Variants in CNTNAP2 observed in about 807,000 individuals in gnomAD.
The protein encoded by CNTNAP2 is contactin associated protein 2.
In CNTNAP2, 98 loss-of-function variants were observed where a neutral mutation model predicts 155.2. That is an observed-to-expected ratio of 0.63 (90% confidence interval 0.54 to 0.75). The LOEUF (loss-of-function observed/expected upper bound fraction) is 0.75, where lower values mean the gene tolerates loss of function less well. Among genes scored for constraint, CNTNAP2 ranks in the 30% least tolerant of loss-of-function variants. CNTNAP2 has a pLI of 0.00. For missense variants in CNTNAP2, 1,727 were observed against 1,688.1 expected, an observed-to-expected ratio of 1.02 and a Z score of -0.40; for synonymous variants, 651 against 631.2, an observed-to-expected ratio of 1.03 and a Z score of -0.47.
rs1272657686 is a variant in CNTNAP2, at chr7:146,420,138, G to A, written c.97+303165G>A. On this transcript the variant is annotated intron_variant, in intron 1 of 23. Coordinates refer to ENST00000361727, the MANE Select transcript of CNTNAP2 (RefSeq NM_014141.6). ...CATCTGAGAAATATTTGTAGACATGGAGAAAAGGAAAATGAAGCAGTTGTC... is the reference window on the plus strand; with the variant it reads ...CATCTGAGAAATATTTGTAGACATGAAGAAAAGGAAAATGAAGCAGTTGTC... Among the ~76,000 whole-genome samples the A allele has an allele frequency of 2.6e-5, 4 of 152,106 alleles. No homozygotes were observed. In the East Asian group the frequency reaches 7.7e-4, roughly 29 times the overall value.
intron 1 of CNTNAP2, among the ~76,000 whole-genome samples, chr7:146,754,852 T>G (rs531294092): frequency 2.6e-5 from 4 of 152,088 alleles, no homozygotes; most frequent in Admixed American, 1.3e-4. Context: ...CAAAACTATT[T>G]TCCTGTTTCT....
chr7:147,085,287 A>G (rs563356351), intron 4 of CNTNAP2, among the ~76,000 whole-genome samples: 1 of 152,122 alleles, frequency 6.6e-6, no homozygotes, highest in Admixed American at 6.6e-5. Flanking sequence ...CCACGGACCT[A>G]TACTGGTCCA....
chr7:147,860,965 T>C (rs988712127), intron 13 of CNTNAP2, among the ~76,000 whole-genome samples: 1 of 152,212 alleles, frequency 6.6e-6, no homozygotes, highest in South Asian at 2.1e-4. Context: ...ACTGTTTGCT[T>C]TCCTGTAGCT....
In CNTNAP2 at chr7:146,835,442, A is replaced by G. The variant is rs148827445; in HGVS notation, c.209-4269A>G. Reference sequence around the variant, plus strand: ...CAAGGTTTCGAACTGTATATCTAACAGGTAAGAAAATATATTTGTTACCCC... The same window carrying G: ...CAAGGTTTCGAACTGTATATCTAACGGGTAAGAAAATATATTTGTTACCCC... On this transcript the variant is annotated intron_variant, in intron 2 of 23. Coordinates refer to ENST00000361727, the MANE Select transcript of CNTNAP2 (RefSeq NM_014141.6). Among the ~76,000 whole-genome samples, 253 of 152,296 alleles carry G rather than the reference A, an allele frequency of 1.7e-3. 1 individual carries two copies. Among genetic ancestry groups the G allele is most frequent in the African/African-American group, 5.9e-3 (245 of 41,576 alleles).
chr7:147,861,999 C>CAAAAAAAAA lies in CNTNAP2; in HGVS notation c.2099-41550_2099-41542dup, dbSNP rs57139075. On this transcript the variant is annotated intron_variant, in intron 13 of 23. Transcript: ENST00000361727. ...GGCAATAGAGTGAAACTCCATCTCA[C>CAAAAAAAAA]AAAAAAAAAAAAAAAAAAAAAAAAT... Among the ~76,000 whole-genome samples, 50 of 94,952 alleles carry CAAAAAAAAA rather than the reference C, an allele frequency of 5.3e-4. 1 individual carries two copies. The highest frequency in any genetic ancestry group is 8.1e-4 in the Non-Finnish European group (39 of 48,084). 62.3% of individuals were successfully genotyped at this position (94,952 alleles called of 152,430 possible). A position where few individuals can be genotyped will look rare whatever the true frequency, so the allele number is the denominator to read the frequency against.
At chr7:148,124,799 C>CA (rs1804679059) in intron 16 of CNTNAP2, among the ~76,000 whole-genome samples, 4 of 152,190 alleles carry the variant, frequency 2.6e-5, no homozygotes, top group Admixed American at 1.3e-4. Flanking sequence ...AAGTAAATTA[C>CA]AATGATAGGC....
chr7:146,267,541 A>G (rs1800015499), intron 1 of CNTNAP2, among the ~76,000 whole-genome samples: 1 of 152,156 alleles, frequency 6.6e-6, no homozygotes, highest in African/African-American at 2.4e-5. Flanking sequence ...TAGGAGGTGG[A>G]GCTATTGGGA....
chr7:148,418,661 TTTG>T lies in CNTNAP2; in HGVS notation c.*3051_*3053del, dbSNP rs1414703231. 6.6e-6 allele frequency: 1 copy of T among 152,238 alleles called. No homozygotes were observed. The highest frequency in any genetic ancestry group is 2.4e-5 in the African/African-American group (1 of 41,456). The allele number at this position is 152,238 out of a possible 1,614,324, so 9.4% of individuals were successfully genotyped here. A position where few individuals can be genotyped will look rare whatever the true frequency, so the allele number is the denominator to read the frequency against. On this transcript the variant is annotated 3_prime_UTR_variant, in exon 24 of 24. Transcript: ENST00000361727. The stretch of plus-strand genomic sequence containing the variant: ...TGGTCCAGGAGGTTGAAAAAGCTAT[TTTG>T]TTGTTAAATTATTTTCTGGCCCTTC...
chr7:147,679,252 T>A (rs892021451), intron 13 of CNTNAP2, among the ~76,000 whole-genome samples: 2 of 151,922 alleles, frequency 1.3e-5, no homozygotes, highest in African/African-American at 4.8e-5. Context: ...TAAATGTTTT[T>A]AGAAATATAA....
chr7:147,578,524 G>A (rs1800440627), intron 12 of CNTNAP2, among the ~76,000 whole-genome samples: 1 of 152,048 alleles, frequency 6.6e-6, no homozygotes, highest in African/African-American at 2.4e-5. Flanking sequence ...AGAATATAGT[G>A]TTCAAAAGCA....
rs563050698 is a variant in CNTNAP2 at position 146,987,480 on chromosome 7, A to G, written c.403-56427A>G. Among the ~76,000 whole-genome samples, 50 of 152,224 alleles carry G rather than the reference A, an allele frequency of 3.3e-4. No individual in the cohort carries two copies. In the East Asian group the frequency reaches 5.2e-3, roughly 16 times the overall value. On this transcript the variant is annotated intron_variant, in intron 3 of 23. Transcript: ENST00000361727. ...TCCTATAGACATTTCACACTCTGAGATTATGCAAATTATGATAATCATGTT... is the reference window on the plus strand; with the variant it reads ...TCCTATAGACATTTCACACTCTGAGGTTATGCAAATTATGATAATCATGTT...
chr7:147,546,538 A>G (rs1488321973), intron 11 of CNTNAP2, among the ~76,000 whole-genome samples: 1 of 152,198 alleles, frequency 6.6e-6, no homozygotes, highest in Non-Finnish European at 1.5e-5. Context: ...TTATTGTAAC[A>G]CCATCTTTTG....
At chr7:146,732,745 T>C (rs1801547549) in intron 1 of CNTNAP2, among the ~76,000 whole-genome samples, 1 of 152,116 alleles carries the variant, frequency 6.6e-6, no homozygotes, top group African/African-American at 2.4e-5. Flanking sequence ...TTCAGTTCTT[T>C]ATTTTAAATG....
chr7:148,265,507 T>C (rs1796651360), intron 20 of CNTNAP2, among the ~76,000 whole-genome samples: 1 of 152,170 alleles, frequency 6.6e-6, no homozygotes, highest in East Asian at 1.9e-4. Context: ...ACTCCTGGAC[T>C]CGAGAGATCC....
intron 13 of CNTNAP2, among the ~76,000 whole-genome samples, chr7:147,801,392 A>G (rs1187779497): frequency 6.8e-6 from 1 of 146,872 alleles, no homozygotes; most frequent in African/African-American, 2.5e-5. Context: ...GCAGGGTCAT[A>G]GGACAATAGT....
chr7:147,078,961 G>A (rs376319134), intron 4 of CNTNAP2, among the ~76,000 whole-genome samples: 2 of 151,972 alleles, frequency 1.3e-5, no homozygotes, highest in East Asian at 1.9e-4. Flanking sequence ...ATGTTGGCCA[G>A]GTTGGTCTCG....
At chr7:147,995,314 C>A (rs527767960) in intron 15 of CNTNAP2, among the ~76,000 whole-genome samples, 33 of 152,286 alleles carry the variant, frequency 2.2e-4, no homozygotes, top group Non-Finnish European at 3.5e-4. Flanking sequence ...GGTGGGCCAG[C>A]CATGGGAAGC....
At chr7:148,022,802 C>T (rs564511452) in intron 15 of CNTNAP2, among the ~76,000 whole-genome samples, 28 of 152,200 alleles carry the variant, frequency 1.8e-4, no homozygotes, top group Middle Eastern at 3.4e-3. Context: ...CTCTTGTAGC[C>T]ACACCGTCTG....
intron 9 of CNTNAP2, among the ~76,000 whole-genome samples, chr7:147,394,848 T>TG (rs1563188019): frequency 6.7e-6 from 1 of 149,842 alleles, no homozygotes; most frequent in Non-Finnish European, 1.5e-5. Flanking sequence ...TGTGTGTGTG[T>TG]TTACTCTTGT....
Sources: gnomAD v4.1 joint callset for allele counts (sites outside exome capture counted in the v4.1 genomes callset) on GRCh38, gnomAD v4.1.1 for gene constraint, MANE v1.5 for transcripts, NCBI Gene and HGNC (gene_info 2026-07-23, HGNC 2026-07-21) for gene names.